UTP25: variants seen among roughly 807,000 people sequenced by gnomAD.
The protein encoded by UTP25 is U3 small nucleolar RNA-associated protein 25 homolog.
A neutral mutation model predicts 78.9 loss-of-function variants in UTP25; 50 were observed. The ratio of observed to expected loss-of-function variants is 0.63; its 90% CI spans 0.50 to 0.80. The LOEUF is 0.80. Among genes scored for constraint, UTP25 ranks in the 30% least tolerant of loss-of-function variants. The probability of loss-of-function intolerance (pLI) is 0.00; values close to 1 mark genes in which losing one functional copy is unlikely to be tolerated. For synonymous variants in UTP25, 329 were observed against 336.5 expected (o/e 0.98, Z 0.24); for missense variants, 846 against 911.3 (o/e 0.93, Z 0.92).
chr1:209,839,997 T>G (rs545867265), intron 7 of UTP25, among the ~76,000 whole-genome samples: 1 of 152,060 alleles, frequency 6.6e-6, no homozygotes, highest in East Asian at 1.9e-4. Context: ...GGTGGCTGAG[T>G]GGAGGAAAAC....
In UTP25 at chr1:209,839,111, A is replaced by T. The variant is rs753057975; in HGVS notation, c.1265A>T (p.Asp422Val). ...DYEAVFVGNI[D>V]DHFRIGVAIL... is the part of the protein sequence containing the mutation. ...GAAGCCGTATTTGTGGGCAATATTG[A>T]TGACCACTTCAGGATTGGTAATTCT... Residue 422 changes from aspartate (D) to valine (V), a missense_variant, in exon 7 of 12, where the codon GAT (aspartate) becomes GTT (valine). Coordinates refer to ENST00000491415, the MANE Select transcript of UTP25 (RefSeq NM_014388.7). The T allele has an allele frequency of 2.5e-6, 4 of 1,611,908 alleles. No individual in the cohort carries two copies. In the East Asian group the frequency reaches 8.9e-5, roughly 36 times the overall value.
intron 1 of UTP25, 38 bp from the exon 2 acceptor site, chr1:209,830,070 C>T: frequency 1.3e-6 from 2 of 1,589,392 alleles, no homozygotes; most frequent in Non-Finnish European, 1.7e-6. Flanking sequence ...TTTCTACATA[C>T]TAGTAGTTAG....
intron 4 of UTP25, among the ~76,000 whole-genome samples, chr1:209,833,581 C>T (rs530036265): frequency 6.6e-6 from 1 of 152,234 alleles, no homozygotes; most frequent in South Asian, 2.1e-4. Flanking sequence ...GTAGGGAAGG[C>T]CAGCTTCCCA....
intron 10 of UTP25, 22 bp downstream of exon 10, chr1:209,842,717 G>A (rs2078174878): frequency 1.9e-6 from 3 of 1,559,346 alleles, no homozygotes; most frequent in Non-Finnish European, 2.6e-6. Context: ...CTCCCAGCAG[G>A]CCCCTGGGGA....
At chr1:209,838,884 A>G in intron 6 of UTP25, 25 bp from the exon 7 acceptor site, 1 of 1,612,182 alleles carries the variant, frequency 6.2e-7, no homozygotes, top group Non-Finnish European at 8.5e-7. Flanking sequence ...TTACCCCACT[A>G]AGGCTGCTGT....
In UTP25 at chr1:209,857,201, A is replaced by T. The variant is rs1211266743; in HGVS notation, c.*5754A>T. 6.6e-6 allele frequency: 1 copy of T among 151,810 alleles called. No individual in the cohort carries two copies. The highest frequency in any genetic ancestry group is 2.4e-5 in the African/African-American group (1 of 41,282). 9.4% of individuals were successfully genotyped at this position (151,810 alleles called of 1,614,324 possible). A position where few individuals can be genotyped will look rare whatever the true frequency, so the allele number is the denominator to read the frequency against. On this transcript the variant is annotated 3_prime_UTR_variant, in exon 12 of 12. Transcript: ENST00000491415. The stretch of plus-strand genomic sequence containing the variant: ...TTGTTAGAAACACTGTGAAACTTTT[A>T]TCCATCAGTCCTGTTTCTGAAGCTG...
intron 11 of UTP25, among the ~76,000 whole-genome samples, chr1:209,846,955 G>A (rs898626989): frequency 6.6e-6 from 1 of 152,162 alleles, no homozygotes; most frequent in Non-Finnish European, 1.5e-5. Flanking sequence ...TCACTGCCCT[G>A]ATATAAATAC....
chr1:209,835,772 G>A (rs564100893), intron 5 of UTP25, among the ~76,000 whole-genome samples: 23 of 152,214 alleles, frequency 1.5e-4, no homozygotes, highest in African/African-American at 5.3e-4. Context: ...AAGACATCTT[G>A]TACCCTTTGC....
rs1314804185 is a variant in UTP25, at chr1:209,851,385, C to T, written c.2209C>T (p.Arg737Trp). 3.1e-6 allele frequency: 5 copies of T among 1,614,048 alleles called. No individual in the cohort carries two copies. Among genetic ancestry groups the T allele is most frequent in the South Asian group, 1.1e-5 (1 of 91,058 alleles). ...QRLAAVVGVE[R>W]AAQMLQSNKN... ...GTTAGCTGCCGTGGTTGGTGTGGAG[C>T]GGGCGGCACAGATGCTACAGTCCAA... is the stretch of plus-strand genomic sequence containing the variant. Residue 737 changes from arginine (R) to tryptophan (W), a missense_variant, in exon 12 of 12, where the codon CGG (arginine) becomes TGG (tryptophan). Arg to Trp is a moderately radical substitution (Grantham distance 101). Transcript: ENST00000491415.
chr1:209,836,090 A>G (rs1431666328), intron 5 of UTP25, among the ~76,000 whole-genome samples: 1 of 151,502 alleles, frequency 6.6e-6, no homozygotes, highest in Non-Finnish European at 1.5e-5. Context: ...TCTGGTCTCC[A>G]TTTCTATAAT....
At position 209,842,308 on chromosome 1, in the gene UTP25, G is replaced by C. The variant is rs150687670; in HGVS notation, c.1529G>C (p.Gly510Ala). The C allele has an allele frequency of 6.2e-7, 1 of 1,613,870 alleles. No homozygotes were observed. Among genetic ancestry groups the C allele is most frequent in the Non-Finnish European group, 8.5e-7 (1 of 1,179,966 alleles). ...HMNLLPLDSH[G>A]VDFSRVRMWS... ...AACCTACTACCCCTGGACTCACATG[G>C]GGTAGACTTTTCTCGAGTGCGGATG... Residue 510 changes from glycine to alanine, a missense_variant, in exon 9 of 12, where the codon GGG becomes GCG. By Grantham distance (60) the Gly-to-Ala change is moderately conservative. Transcript: ENST00000491415.
rs550783944 is a variant in UTP25, at chr1:209,857,150, A to G, written c.*5703A>G. The G allele has an allele frequency of 2.0e-4, 30 of 152,050 alleles. No individual in the cohort carries two copies. The highest frequency in any genetic ancestry group is 4.0e-4 in the Non-Finnish European group (27 of 68,016). The allele number at this position is 152,050 out of a possible 1,614,324, so 9.4% of individuals were successfully genotyped here. ...GAATTCCTTCAAGGATGGGGTGCTC[A>G]TTGTGGCTTTTCTAATCATCTCTGA... On this transcript the variant is annotated 3_prime_UTR_variant, in exon 12 of 12. Transcript: ENST00000491415.
chr1:209,852,665 C>T lies in UTP25; in HGVS notation c.*1218C>T, dbSNP rs2078248336. 6.6e-6 allele frequency: 1 copy of T among 152,148 alleles called. No homozygotes were observed. The highest frequency in any genetic ancestry group is 1.5e-5 in the Non-Finnish European group (1 of 68,034). 9.4% of individuals were successfully genotyped at this position (152,148 alleles called of 1,614,324 possible). On this transcript the variant is annotated 3_prime_UTR_variant, in exon 12 of 12. Transcript: ENST00000491415. Reference sequence around the variant, plus strand: ...TGACAATGAGACATTCCAGGTTTCTCTACTCCAGCCCTGCTTGCTTTTAGT... The same window carrying T: ...TGACAATGAGACATTCCAGGTTTCTTTACTCCAGCCCTGCTTGCTTTTAGT...
rs755689622 is a variant in UTP25 at position 209,837,124 on chromosome 1, G to A, written c.975G>A (p.Val325=). 8.1e-6 allele frequency: 13 copies of A among 1,614,144 alleles called. No homozygotes were observed. Among genetic ancestry groups the A allele is most frequent in the Non-Finnish European group, 1.1e-5 (13 of 1,180,012 alleles). ...ACATCCTCAAAGCCAATGCCCAGGT[G>A]CTTGGCAACAATAGCAGACGCCGAA... ...INHILKANAQ[V]LGNNSRRRSQ... The change falls in exon 6 of 12, where the codon GTG becomes GTA. Residue 325 remains valine (V), a synonymous_variant. Transcript: ENST00000491415.
Position 209,851,739 on chromosome 1 carries a change from C to A in UTP25, c.*292C>A, listed in dbSNP as rs886137977. On this transcript the variant is annotated 3_prime_UTR_variant, in exon 12 of 12. Coordinates refer to ENST00000491415, the MANE Select transcript of UTP25 (RefSeq NM_014388.7). Reference sequence around the variant, plus strand: ...TGAATATTTTTGTGAGACATAAATTCTTTTATTACGATTTACCTCTAATTT... The same window carrying A: ...TGAATATTTTTGTGAGACATAAATTATTTTATTACGATTTACCTCTAATTT... The A allele has an allele frequency of 6.2e-5, 16 of 257,000 alleles. No homozygotes were observed. The highest frequency in any genetic ancestry group is 1.1e-4 in the Non-Finnish European group (15 of 134,830). 15.9% of individuals were successfully genotyped at this position (257,000 alleles called of 1,614,324 possible). A position where few individuals can be genotyped will look rare whatever the true frequency, so the allele number is the denominator to read the frequency against.
At chr1:209,842,203 G>A in intron 8 of UTP25, 62 bp from the exon 9 acceptor site, 5 of 1,504,710 alleles carry the variant, frequency 3.3e-6, no homozygotes, top group Non-Finnish European at 4.5e-6. Context: ...AAAATGTTTA[G>A]CAATGTCCAA....
At chr1:209,837,417 T>A (rs983081937) in intron 6 of UTP25, among the ~76,000 whole-genome samples, 2 of 152,218 alleles carry the variant, frequency 1.3e-5, no homozygotes, top group African/African-American at 2.4e-5. Flanking sequence ...TGGATGTAGC[T>A]GGAAACTTGC....
chr1:209,830,093 C>T lies in UTP25; in HGVS notation c.108-15C>T. The T allele has an allele frequency of 6.2e-7, 1 of 1,610,790 alleles. No individual in the cohort carries two copies. The highest frequency in any genetic ancestry group is 8.5e-7 in the Non-Finnish European group (1 of 1,178,022). On this transcript the variant is annotated splice_polypyrimidine_tract_variant and intron_variant, in intron 1 of 11. Transcript: ENST00000491415. Reference sequence around the variant, plus strand: ...TACTAGTAGTTAGAATGTAACATTGCCTGTTTCTTTTTAGGGTTTCCAGAA... The same window carrying T: ...TACTAGTAGTTAGAATGTAACATTGTCTGTTTCTTTTTAGGGTTTCCAGAA...
At position 209,828,011 on chromosome 1, in the gene UTP25, T is replaced by A; in HGVS notation, c.-53T>A. The A allele has an allele frequency of 6.9e-7, 1 of 1,448,990 alleles. No homozygotes were observed. Among genetic ancestry groups the A allele is most frequent in the Non-Finnish European group, 9.7e-7 (1 of 1,029,808 alleles). 89.8% of individuals were successfully genotyped at this position (1,448,990 alleles called of 1,614,324 possible). The stretch of plus-strand genomic sequence containing the variant: ...CACGTGCTTGTGTTGACTGGACAAC[T>A]TCCTGGTGGAAAACCGCGACTCTTG... On this transcript the variant is annotated 5_prime_UTR_variant, in exon 1 of 12. Coordinates refer to ENST00000491415, the MANE Select transcript of UTP25 (RefSeq NM_014388.7).
Sources: gnomAD v4.1 joint callset for allele counts (sites outside exome capture counted in the v4.1 genomes callset) on GRCh38, gnomAD v4.1.1 for gene constraint, MANE v1.5 for transcripts, NCBI Gene and HGNC (gene_info 2026-07-23, HGNC 2026-07-21) for gene names.